DAB1: variants seen among roughly 807,000 people sequenced by gnomAD.
DAB1 encodes the protein disabled homolog 1.
In DAB1, 15 loss-of-function variants were observed where a neutral mutation model predicts 64.6. The observed-to-expected ratio is 0.23, with a 90% CI of 0.16 to 0.36. The LOEUF (loss-of-function observed/expected upper bound fraction) is 0.36. Ranked by LOEUF, DAB1 falls within the 10% of genes least tolerant of loss-of-function variation. DAB1 has a pLI of 1.00. For missense variants in DAB1, 596 were observed against 706.7 expected (o/e 0.84, Z 1.78); for synonymous variants, 235 against 251.9 (o/e 0.93, Z 0.64).
intron 2 of DAB1, among the ~76,000 whole-genome samples, chr1:57,227,114 G>T (rs1667326953): frequency 6.6e-6 from 1 of 152,136 alleles, no homozygotes; most frequent in South Asian, 2.1e-4. Context: ...GGTCAAGTCT[G>T]CAGTGAGCTG....
intron 3 of DAB1, among the ~76,000 whole-genome samples, chr1:58,425,052 C>G (rs1448600305): frequency 6.6e-6 from 1 of 152,186 alleles, no homozygotes; most frequent in Non-Finnish European, 1.5e-5. Flanking sequence ...TCCCTTCCTA[C>G]AGCCCCTCTG....
chr1:57,034,377 T>C (rs1388343584), intron 9 of DAB1, among the ~76,000 whole-genome samples: 2 of 151,418 alleles, frequency 1.3e-5, no homozygotes, highest in South Asian at 2.1e-4. Context: ...CCATGAAGAG[T>C]TTCTCTATCT....
At chr1:58,448,245 A>G (rs923477880) in intron 3 of DAB1, among the ~76,000 whole-genome samples, 1 of 152,214 alleles carries the variant, frequency 6.6e-6, no homozygotes, top group Non-Finnish European at 1.5e-5. Context: ...ATTGGCTTAG[A>G]TCAAGATTAA....
intron 5 of DAB1, among the ~76,000 whole-genome samples, chr1:58,081,789 T>A (rs1459357145): frequency 1.3e-5 from 2 of 152,188 alleles, no homozygotes; most frequent in Non-Finnish European, 1.5e-5. Context: ...TAGAGAGCAG[T>A]AAATGAATAA....
chr1:57,408,916 A>G (rs1683876037), intron 1 of DAB1, among the ~76,000 whole-genome samples: 1 of 152,048 alleles, frequency 6.6e-6, no homozygotes, highest in Non-Finnish European at 1.5e-5. Context: ...TTCCAGTTAG[A>G]TTCACTCACT....
intron 4 of DAB1, among the ~76,000 whole-genome samples, chr1:58,269,515 T>C (rs1661261877): frequency 8.5e-6 from 1 of 117,524 alleles, no homozygotes; most frequent in Non-Finnish European, 1.9e-5. Context: ...CAGCATGATT[T>C]ATAGTCATTT....
At chr1:57,637,546 T>C (rs1316462473) in intron 7 of DAB1, among the ~76,000 whole-genome samples, 1 of 152,080 alleles carries the variant, frequency 6.6e-6, no homozygotes, top group Non-Finnish European at 1.5e-5. Flanking sequence ...CAGCTTGGTA[T>C]GTGTATCAAA....
intron 4 of DAB1, among the ~76,000 whole-genome samples, chr1:58,254,283 T>C (rs1660872095): frequency 6.6e-6 from 1 of 152,186 alleles, no homozygotes; most frequent in Non-Finnish European, 1.5e-5. Context: ...TTGCTGTTTG[T>C]AGAAATACAG....
chr1:57,754,741 C>T (rs530125086), intron 6 of DAB1, among the ~76,000 whole-genome samples: 4 of 152,186 alleles, frequency 2.6e-5, no homozygotes, highest in South Asian at 4.2e-4. Flanking sequence ...AAAACAATTG[C>T]GATTCAAAGG....
chr1:57,565,789 C>G (rs535275852), intron 7 of DAB1, among the ~76,000 whole-genome samples: 1 of 152,222 alleles, frequency 6.6e-6, no homozygotes, highest in African/African-American at 2.4e-5. Context: ...TCCTTAGAGA[C>G]CTACAAAGAG....
At chr1:58,285,553 G>T (rs1208081713) in intron 4 of DAB1, among the ~76,000 whole-genome samples, 1 of 152,090 alleles carries the variant, frequency 6.6e-6, no homozygotes, top group Non-Finnish European at 1.5e-5. Context: ...AATCATGAAT[G>T]AACTCCCATT....
intron 1 of DAB1, among the ~76,000 whole-genome samples, chr1:57,411,084 A>T (rs375479954): frequency 4.6e-5 from 7 of 152,370 alleles, no homozygotes; most frequent in African/African-American, 1.7e-4. Flanking sequence ...GATACCAGAG[A>T]GACAGAGAGA....
At chr1:58,392,392 A>G (rs1216984373) in intron 3 of DAB1, among the ~76,000 whole-genome samples, 2 of 152,148 alleles carry the variant, frequency 1.3e-5, no homozygotes, top group Non-Finnish European at 2.9e-5. Context: ...GTTCCGTCTC[A>G]GCGGGTTGAC....
chr1:57,956,851 A>G (rs1645404704), intron 5 of DAB1, among the ~76,000 whole-genome samples: 1 of 152,230 alleles, frequency 6.6e-6, no homozygotes, highest in East Asian at 1.9e-4. Flanking sequence ...CATCTTGGAA[A>G]GACTTTGGGA....
chr1:57,066,461 G>A (rs907696369), intron 8 of DAB1, among the ~76,000 whole-genome samples: 6 of 152,080 alleles, frequency 3.9e-5, no homozygotes, highest in African/African-American at 1.4e-4. Context: ...CAAAGCAAAA[G>A]GCAATTATTA....
intron 5 of DAB1, among the ~76,000 whole-genome samples, chr1:57,931,061 T>C (rs1644946271): frequency 6.6e-6 from 1 of 152,214 alleles, no homozygotes; most frequent in South Asian, 2.1e-4. Flanking sequence ...TTATCCTTAA[T>C]AGACATTGGA....
At chr1:57,113,476 C>T (rs1314676224) in intron 4 of DAB1, among the ~76,000 whole-genome samples, 11 of 152,246 alleles carry the variant, frequency 7.2e-5, no homozygotes, top group South Asian at 6.2e-4. Flanking sequence ...CAATAAATTT[C>T]TTCTGCTTTG....
intron 1 of DAB1, chr1:57,876,503 T>G (rs1479555645): frequency 1.3e-5 from 2 of 152,208 alleles, no homozygotes; most frequent in Admixed American, 6.5e-5. Context: ...CAGACAGAAC[T>G]GGGAAAATGA....
At chr1:57,426,016 G>A (rs1292249162), upstream of DAB1, among the ~76,000 whole-genome samples, 1 of 152,190 alleles carries the variant, frequency 6.6e-6, no homozygotes, top group African/African-American at 2.4e-5. Context: ...CGAAACAGGG[G>A]AAGGGAGGGT....
Sources: gnomAD v4.1 joint callset for allele counts (sites outside exome capture counted in the v4.1 genomes callset) on GRCh38, gnomAD v4.1.1 for gene constraint, MANE v1.5 for transcripts, NCBI Gene and HGNC (gene_info 2026-07-23, HGNC 2026-07-21) for gene names.